ARHGEF11: variants seen among roughly 807,000 people sequenced by gnomAD.
ARHGEF11 encodes the protein Rho guanine nucleotide exchange factor 11.
Under a neutral mutation model 193.7 loss-of-function variants are expected in ARHGEF11, and 55 were observed. The observed-to-expected ratio is 0.28, with a 90% CI of 0.23 to 0.36. ARHGEF11 has a LOEUF of 0.36. Ranked by LOEUF, ARHGEF11 falls within the 10% of genes least tolerant of loss-of-function variation. The probability of loss-of-function intolerance (pLI) is 1.00; values close to 1 mark genes in which losing one functional copy is unlikely to be tolerated. For missense variants in ARHGEF11, 1,723 were observed against 2,005.6 expected (o/e 0.86, Z 2.69); for synonymous variants, 693 against 768.0 (o/e 0.90, Z 1.62).
In ARHGEF11 at chr1:156,943,168, C is replaced by T. The variant is rs145350782; in HGVS notation, c.3236-388G>A. On this transcript the variant is annotated intron_variant, in intron 32 of 40. Transcript: ENST00000368194. ...CTGCGCCTCCCGGGTTCAAGTGATT[C>T]TCCTGCCTCAGCCTCCCGAGTAACT... Among the ~76,000 whole-genome samples the T allele has an allele frequency of 5.2e-3, 784 of 150,622 alleles. 9 individuals carry two copies. The highest frequency in any genetic ancestry group is 0.018 in the African/African-American group (746 of 40,578).
chr1:156,978,189 C>G lies in ARHGEF11; in HGVS notation c.510+15G>C, dbSNP rs1431580349. On this transcript the variant is annotated intron_variant, in intron 6 of 40. Coordinates refer to ENST00000368194, the MANE Select transcript of ARHGEF11 (RefSeq NM_198236.3). ...GGACATTAGGGTGAGGAAAGAAAGC[C>G]AGGAGGATTATTACCTGCAGAGGTT... 2 of 1,613,958 alleles carry G rather than the reference C, an allele frequency of 1.2e-6. No individual in the cohort carries two copies. The highest frequency in any genetic ancestry group is 1.7e-6 in the Non-Finnish European group (2 of 1,179,984).
chr1:156,990,961 C>T (rs1480646265), intron 1 of ARHGEF11, among the ~76,000 whole-genome samples: 4 of 152,148 alleles, frequency 2.6e-5, no homozygotes, highest in Non-Finnish European at 5.9e-5. Flanking sequence ...AGCTGTCCCT[C>T]GTTCCAGGCC....
chr1:157,018,786 A>C (rs1212020874), intron 1 of ARHGEF11, among the ~76,000 whole-genome samples: 2 of 152,256 alleles, frequency 1.3e-5, no homozygotes, highest in African/African-American at 4.8e-5. Flanking sequence ...TGTGTTTTTG[A>C]TATAGATCAG....
At chr1:156,984,724 C>T (rs1031496665) in intron 2 of ARHGEF11, among the ~76,000 whole-genome samples, 8 of 152,062 alleles carry the variant, frequency 5.3e-5, no homozygotes, top group Non-Finnish European at 5.9e-5. Flanking sequence ...TTGGTGTGCC[C>T]GGGTGAGACT....
chr1:157,000,470 A>G (rs887064901), intron 1 of ARHGEF11, among the ~76,000 whole-genome samples: 1 of 152,244 alleles, frequency 6.6e-6, no homozygotes, highest in Admixed American at 6.5e-5. Context: ...AGGACCAACC[A>G]TGAAACAGGT....
chr1:157,031,641 G>C (rs1260340778), intron 1 of ARHGEF11, among the ~76,000 whole-genome samples: 1 of 152,182 alleles, frequency 6.6e-6, no homozygotes, highest in African/African-American at 2.4e-5. Context: ...AGGAGGAAGA[G>C]GCTCGAAGGT....
At chr1:156,971,383 G>A (rs572821655) in intron 8 of ARHGEF11, among the ~76,000 whole-genome samples, 1 of 152,328 alleles carries the variant, frequency 6.6e-6, no homozygotes, top group South Asian at 2.1e-4. Flanking sequence ...CCACTATGAA[G>A]AACTACCCAG....
At chr1:156,967,236 G>A (rs537120300) in intron 11 of ARHGEF11, among the ~76,000 whole-genome samples, 2 of 152,252 alleles carry the variant, frequency 1.3e-5, no homozygotes, top group African/African-American at 4.8e-5. Flanking sequence ...ACTTAAACTT[G>A]GCTTAAAGAA....
Position 156,970,037 on chromosome 1 carries a change from G to A in ARHGEF11, c.709C>T (p.Leu237Phe), listed in dbSNP as rs759573886. 3.7e-6 allele frequency: 6 copies of A among 1,613,866 alleles called. No homozygotes were observed. In the Admixed American group the frequency reaches 5.0e-5, roughly 13 times the overall value. ...TGGCTGGTGTCACCATATAGTGGAA[G>A]TATGTCCTGAAACAGAAAGGCCCAC... Reference protein sequence around the residue: ...QQETGGSVDILPLYGDTSQRP... With the variant: ...QQETGGSVDIFPLYGDTSQRP... The change falls in exon 9 of 41, where the codon CTT (leucine) becomes TTT (phenylalanine). Residue 237 changes from leucine to phenylalanine, a missense_variant. Physicochemically the swap from Leu to Phe is conservative, Grantham distance 22. Coordinates refer to ENST00000368194, the MANE Select transcript of ARHGEF11 (RefSeq NM_198236.3).
intron 10 of ARHGEF11, among the ~76,000 whole-genome samples, chr1:156,968,553 G>T (rs193220935): frequency 6.6e-6 from 1 of 152,040 alleles, no homozygotes; most frequent in Non-Finnish European, 1.5e-5. Context: ...CCCACATACC[G>T]ATCCTTTCAC....
At chr1:156,972,233 A>T (rs933856235) in intron 7 of ARHGEF11, among the ~76,000 whole-genome samples, 4 of 152,224 alleles carry the variant, frequency 2.6e-5, no homozygotes, top group African/African-American at 9.6e-5. Flanking sequence ...AGCAGTGTCG[A>T]CTACAACAGC....
In ARHGEF11 at chr1:156,951,704, A is replaced by G. The variant is rs1224041529; in HGVS notation, c.1799-5T>C. 5 of 1,614,072 alleles carry G rather than the reference A, an allele frequency of 3.1e-6. No individual in the cohort carries two copies. In the Admixed American group the frequency reaches 8.3e-5, roughly 27 times the overall value. On this transcript the variant is annotated splice_polypyrimidine_tract_variant and splice_region_variant and intron_variant, in intron 21 of 40. Coordinates refer to ENST00000368194, the MANE Select transcript of ARHGEF11 (RefSeq NM_198236.3). Reference sequence around the variant, plus strand: ...TCCTCACATTGCCTGGTTTGACTAGAAGCAAAAAGAAAATGAAGGACACTA... The same window carrying G: ...TCCTCACATTGCCTGGTTTGACTAGGAGCAAAAAGAAAATGAAGGACACTA...
chr1:156,969,169 C>G (rs898274503), intron 10 of ARHGEF11, 113 bp downstream of exon 10: 1 of 836,254 alleles, frequency 1.2e-6, no homozygotes, highest in African/African-American at 1.7e-5. Flanking sequence ...GGAACTAGAA[C>G]GATGGAAGAG....
At chr1:156,947,258 C>A in intron 26 of ARHGEF11, 46 bp downstream of exon 26, 1 of 1,565,362 alleles carries the variant, frequency 6.4e-7, no homozygotes. Context: ...GAACAGGAAG[C>A]TGAAGGGCAG....
chr1:156,973,901 T>C (rs1449727051), intron 7 of ARHGEF11, among the ~76,000 whole-genome samples: 2 of 152,186 alleles, frequency 1.3e-5, no homozygotes, highest in African/African-American at 4.8e-5. Flanking sequence ...ATGGTTTCCT[T>C]ACATTTAACA....
chr1:156,950,109 T>A (rs1658851017), intron 22 of ARHGEF11, among the ~76,000 whole-genome samples: 1 of 152,220 alleles, frequency 6.6e-6, no homozygotes, highest in Non-Finnish European at 1.5e-5. Context: ...ATCTACGACA[T>A]CATGTGCTTC....
chr1:156,942,883 A>G (rs571384813), intron 32 of ARHGEF11, 103 bp from the exon 33 acceptor site: 41 of 909,780 alleles, frequency 4.5e-5, no homozygotes, highest in Non-Finnish European at 5.2e-5. Flanking sequence ...CTGACCCTCA[A>G]CGCAGATGGA....
At chr1:156,953,498 T>C (rs879587719) in intron 21 of ARHGEF11, among the ~76,000 whole-genome samples, 2 of 152,184 alleles carry the variant, frequency 1.3e-5, no homozygotes, top group Non-Finnish European at 2.9e-5. Flanking sequence ...TTCTTTTTTT[T>C]CCCCTTGTTT....
chr1:156,958,950 T>G lies in ARHGEF11; in HGVS notation c.1380-86A>C. On this transcript the variant is annotated intron_variant, in intron 16 of 40. Coordinates refer to ENST00000368194, the MANE Select transcript of ARHGEF11 (RefSeq NM_198236.3). ...CCAGAAAGAACAAGACAAACACATA[T>G]AACAAGAGATATGTGCACGTCCCAG... is the stretch of plus-strand genomic sequence containing the variant. 4 of 1,608,326 alleles carry G rather than the reference T, an allele frequency of 2.5e-6. No homozygotes were observed. The South Asian group carries it at 3.3e-5, about 13-fold the overall frequency.
Sources: allele counts gnomAD v4.1 joint callset (sites outside exome capture counted in the v4.1 genomes callset), GRCh38; gene constraint gnomAD v4.1.1; transcripts MANE v1.5; gene names NCBI Gene and HGNC (gene_info 2026-07-23, HGNC 2026-07-21).